Variants in ZDHHC14 observed in about 807,000 individuals in gnomAD.
The protein encoded by ZDHHC14 is zDHHC palmitoyltransferase 14, also known as palmitoyltransferase ZDHHC14.
A neutral mutation model predicts 47.7 loss-of-function variants in ZDHHC14; 16 were observed. The observed-to-expected ratio is 0.34, with a 90% CI of 0.23 to 0.51. The LOEUF (loss-of-function observed/expected upper bound fraction) is 0.51. Ranked by LOEUF, ZDHHC14 falls within the 20% of genes least tolerant of loss-of-function variation. The pLI is 0.97. For synonymous variants in ZDHHC14, 293 were observed against 278.9 expected (o/e 1.05, Z -0.50); for missense variants, 515 against 662.5 (o/e 0.78, Z 2.44).
intron 2 of ZDHHC14, among the ~76,000 whole-genome samples, chr6:157,555,997 C>T (rs1474463269): frequency 1.3e-5 from 2 of 152,108 alleles, no homozygotes; most frequent in Admixed American, 6.6e-5. Flanking sequence ...GCTGGATTCA[C>T]AAGACACGCA....
intron 1 of ZDHHC14, among the ~76,000 whole-genome samples, chr6:157,385,733 C>T (rs1162235996): frequency 6.6e-6 from 1 of 152,364 alleles, no homozygotes; most frequent in Admixed American, 6.5e-5. Flanking sequence ...GGTTGCACAG[C>T]TAATTAGTGG....
chr6:157,636,307 C>T (rs556913066), intron 5 of ZDHHC14, among the ~76,000 whole-genome samples: 2 of 150,696 alleles, frequency 1.3e-5, no homozygotes, highest in African/African-American at 4.9e-5. Context: ...CACACACACA[C>T]ATATATAAGG....
intron 1 of ZDHHC14, among the ~76,000 whole-genome samples, chr6:157,434,911 G>A (rs1334291102): frequency 1.3e-5 from 2 of 152,208 alleles, no homozygotes; most frequent in African/African-American, 4.8e-5. Flanking sequence ...GAGGGGATCT[G>A]CTCAGGGCTT....
intron 1 of ZDHHC14, among the ~76,000 whole-genome samples, chr6:157,528,735 A>C (rs1022038617): frequency 1.3e-5 from 2 of 151,418 alleles, no homozygotes; most frequent in African/African-American, 4.9e-5. Flanking sequence ...TCATCTCAAA[A>C]AAATAAAATA....
At chr6:157,638,755 T>C (rs1017824803) in intron 5 of ZDHHC14, among the ~76,000 whole-genome samples, 5 of 152,224 alleles carry the variant, frequency 3.3e-5, no homozygotes, top group African/African-American at 1.2e-4. Flanking sequence ...GGACTCCTTA[T>C]GCAGAATAAG....
intron 1 of ZDHHC14, among the ~76,000 whole-genome samples, chr6:157,542,374 T>C (rs1781798203): frequency 6.6e-6 from 1 of 152,222 alleles, no homozygotes; most frequent in African/African-American, 2.4e-5. Flanking sequence ...GGCGTCATAC[T>C]GGGGAGTGGG....
intron 1 of ZDHHC14, among the ~76,000 whole-genome samples, chr6:157,439,911 A>G (rs1168336361): frequency 6.6e-6 from 1 of 152,160 alleles, no homozygotes; most frequent in East Asian, 1.9e-4. Flanking sequence ...ATGCGTGAAC[A>G]GGAAACCGAA....
At chr6:157,497,274 A>T (rs1780090645) in intron 1 of ZDHHC14, among the ~76,000 whole-genome samples, 1 of 152,184 alleles carries the variant, frequency 6.6e-6, no homozygotes, top group South Asian at 2.1e-4. Flanking sequence ...AACTTCAGGG[A>T]CTGGAAAAGG....
intron 1 of ZDHHC14, among the ~76,000 whole-genome samples, chr6:157,446,012 C>T (rs1206657427): frequency 6.6e-6 from 1 of 152,176 alleles, no homozygotes; most frequent in Admixed American, 6.5e-5. Context: ...AGGGCCATTG[C>T]AGGTTTTGAT....
In ZDHHC14 at chr6:157,395,809, AT is replaced by A. The variant is rs1416236704; in HGVS notation, c.245+13544del. ...CTCCATCTCAAAAAAAAAAAAAAAA[AT>A]CCCAAGTTTCTTACTGTACTGTGTC... On this transcript the variant is annotated intron_variant, in intron 1 of 8. Coordinates refer to ENST00000359775, the MANE Select transcript of ZDHHC14 (RefSeq NM_024630.3). Among the ~76,000 whole-genome samples the A allele has an allele frequency of 3.3e-3, 495 of 151,810 alleles. 5 individuals are homozygous for A. Among genetic ancestry groups the A allele is most frequent in the African/African-American group, 0.012 (476 of 41,276 alleles).
chr6:157,440,976 C>A (rs1007859255), intron 1 of ZDHHC14, among the ~76,000 whole-genome samples: 2 of 152,114 alleles, frequency 1.3e-5, no homozygotes, highest in African/African-American at 4.8e-5. Context: ...TGAATTTTAT[C>A]TTCATAAAAA....
intron 1 of ZDHHC14, among the ~76,000 whole-genome samples, chr6:157,457,061 C>T (rs187428329): frequency 5.3e-5 from 8 of 150,320 alleles, no homozygotes; most frequent in Admixed American, 4.6e-4. Context: ...ATAGTTCCAG[C>T]TACTTGGGAG....
chr6:157,615,590 A>G (rs1784933334), intron 3 of ZDHHC14, among the ~76,000 whole-genome samples: 2 of 152,346 alleles, frequency 1.3e-5, no homozygotes, highest in Middle Eastern at 3.4e-3. Context: ...GCTGAGGCCC[A>G]GAAACTGTGC....
At chr6:157,571,264 C>T (rs552580331) in intron 2 of ZDHHC14, among the ~76,000 whole-genome samples, 27 of 152,302 alleles carry the variant, frequency 1.8e-4, no homozygotes, top group Non-Finnish European at 3.4e-4. Context: ...GTCTTTCTCA[C>T]CTAAAATCAG....
intron 1 of ZDHHC14, among the ~76,000 whole-genome samples, chr6:157,486,159 G>T (rs1779774071): frequency 6.6e-6 from 1 of 152,186 alleles, no homozygotes; most frequent in African/African-American, 2.4e-5. Flanking sequence ...GCCTCTGTAT[G>T]ACAGTCTCTA....
chr6:157,550,062 TGG>T (rs1185330479), intron 2 of ZDHHC14, among the ~76,000 whole-genome samples: 3 of 152,134 alleles, frequency 2.0e-5, no homozygotes. Flanking sequence ...GAGAGCTTTG[TGG>T]GTGGAAAGTG....
chr6:157,389,886 T>A (rs1461946381), intron 1 of ZDHHC14, among the ~76,000 whole-genome samples: 1 of 152,030 alleles, frequency 6.6e-6, no homozygotes, highest in East Asian at 1.9e-4. Flanking sequence ...TTATGTAAAA[T>A]AAACATATTT....
chr6:157,457,173 TA>T (rs5881213), intron 1 of ZDHHC14, among the ~76,000 whole-genome samples: 108,201 of 121,286 alleles, frequency 0.89, 48,132 homozygotes, highest in East Asian at 0.97. Flanking sequence ...AAACTCCATC[TA>T]AAAAAAAAAA....
chr6:157,638,711 G>A (rs1026707191), intron 5 of ZDHHC14, among the ~76,000 whole-genome samples: 2 of 152,242 alleles, frequency 1.3e-5, no homozygotes, highest in Admixed American at 1.3e-4. Flanking sequence ...TCTTCTGCCA[G>A]CATCTGCTGC....
Sources: gnomAD v4.1 joint callset for allele counts (sites outside exome capture counted in the v4.1 genomes callset) on GRCh38, gnomAD v4.1.1 for gene constraint, MANE v1.5 for transcripts, NCBI Gene and HGNC (gene_info 2026-07-23, HGNC 2026-07-21) for gene names.